Variants in PHLPP2 observed in about 807,000 individuals in gnomAD.
PHLPP2 encodes the protein PH domain leucine-rich repeat-containing protein phosphatase 2.
Under a neutral mutation model 124.9 loss-of-function variants are expected in PHLPP2, and 66 were observed. The ratio of observed to expected loss-of-function variants is 0.53; its 90% confidence interval spans 0.43 to 0.65. The LOEUF (loss-of-function observed/expected upper bound fraction) is 0.65, where lower values mean the gene tolerates loss of function less well. PHLPP2 is among the 30% of genes least tolerant of loss of function. The probability of loss-of-function intolerance (pLI) is 0.00; values close to 1 mark genes in which losing one functional copy is unlikely to be tolerated. For synonymous variants in PHLPP2, 681 were observed against 624.7 expected, an observed-to-expected ratio of 1.09 and a Z score of -1.34; for missense variants, 1,685 against 1,600.4, an observed-to-expected ratio of 1.05 and a Z score of -0.90.
At chr16:71,659,247 A>ATTTT (rs11357819) in intron 13 of PHLPP2, among the ~76,000 whole-genome samples, 3 of 89,866 alleles carry the variant, frequency 3.3e-5, no homozygotes, top group Non-Finnish European at 6.6e-5. Flanking sequence ...CATCACAAAG[A>ATTTT]TTTTTTTTTT....
rs1012066384 is a variant in PHLPP2, at chr16:71,648,615, A to C, written c.*275T>G. The C allele has an allele frequency of 4.8e-5, 21 of 433,088 alleles. 1 individual carries two copies. The Admixed American group carries it at 6.5e-4, about 13-fold the overall frequency. 26.8% of individuals were successfully genotyped at this position (433,088 alleles called of 1,614,324 possible). On this transcript the variant is annotated 3_prime_UTR_variant, in exon 19 of 19. Coordinates refer to ENST00000568954, the MANE Select transcript of PHLPP2 (RefSeq NM_015020.3). ...TGAAACCCCGTCTCTAAAAAAAAAA[A>C]ATAAAACTTAGCCGGGCATAATGGC...
chr16:71,705,668 T>C (rs2045268560), intron 2 of PHLPP2, among the ~76,000 whole-genome samples: 1 of 152,054 alleles, frequency 6.6e-6, no homozygotes, highest in Non-Finnish European at 1.5e-5. Context: ...CACGCCACCA[T>C]GCCCAGCTAA....
rs907535874 is a variant in PHLPP2, at chr16:71,645,099, C to G, written c.*3791G>C. ...TATAATGAGTCTTAAGACTACAATA[C>G]GACAATGATTGCACAAAACCGTAAG... On this transcript the variant is annotated 3_prime_UTR_variant, in exon 19 of 19. Transcript: ENST00000568954. The G allele has an allele frequency of 9.3e-6, 2 of 214,404 alleles. No individual in the cohort carries two copies. The highest frequency in any genetic ancestry group is 1.2e-4 in the South Asian group (2 of 16,614). The allele number at this position is 214,404 out of a possible 1,614,324, so 13.3% of individuals were successfully genotyped here. A position where few individuals can be genotyped will look rare whatever the true frequency, so the allele number is the denominator to read the frequency against.
chr16:71,652,700 A>G, intron 18 of PHLPP2, 90 bp downstream of exon 18: 1 of 882,906 alleles, frequency 1.1e-6, no homozygotes, highest in Non-Finnish European at 1.9e-6. Context: ...ACAGGGCATG[A>G]TAGGAAGAAA....
At chr16:71,668,841 T>C (rs553624631) in intron 11 of PHLPP2, among the ~76,000 whole-genome samples, 1 of 152,342 alleles carries the variant, frequency 6.6e-6, no homozygotes, top group South Asian at 2.1e-4. Context: ...GTTACCTAAC[T>C]GCTCTAAGCT....
chr16:71,723,829 C>T (rs1161522206), intron 1 of PHLPP2: 34 of 1,251,552 alleles, frequency 2.7e-5, no homozygotes, highest in African/African-American at 3.2e-5. Context: ...GCTCCGGGGG[C>T]TCCAGCGGGC....
At chr16:71,655,475 G>T (rs966052335) in intron 16 of PHLPP2, 41 bp from the exon 17 acceptor site, 5 of 1,423,996 alleles carry the variant, frequency 3.5e-6, no homozygotes, top group Non-Finnish European at 4.9e-6. Context: ...AAAAGTTACT[G>T]GTAAAATATT....
At chr16:71,680,432 A>ATTT (rs953186434) in intron 6 of PHLPP2, among the ~76,000 whole-genome samples, 3 of 152,180 alleles carry the variant, frequency 2.0e-5, no homozygotes, top group African/African-American at 7.2e-5. Flanking sequence ...TAGTGCTTCT[A>ATTT]TTTTGTTCAT....
chr16:71,690,841 A>G, intron 3 of PHLPP2, 132 bp from the exon 4 acceptor site: 1 of 640,100 alleles, frequency 1.6e-6, no homozygotes, highest in Non-Finnish European at 2.7e-6. Context: ...AATATAGTTA[A>G]GACAAAATTA....
chr16:71,683,219 T>C (rs1024171474), intron 5 of PHLPP2, among the ~76,000 whole-genome samples: 7 of 152,038 alleles, frequency 4.6e-5, no homozygotes, highest in African/African-American at 1.4e-4. Context: ...GGCATGTCCT[T>C]ATACTATAAC....
At chr16:71,679,122 A>C (rs2044973696) in intron 7 of PHLPP2, 137 bp from the exon 8 acceptor site, 1 of 632,762 alleles carries the variant, frequency 1.6e-6, no homozygotes, top group Admixed American at 2.8e-5. Flanking sequence ...CTCTCCATCT[A>C]TGCAGACTTA....
At chr16:71,671,787 G>C (rs1020795789) in intron 10 of PHLPP2, among the ~76,000 whole-genome samples, 1 of 151,794 alleles carries the variant, frequency 6.6e-6, no homozygotes, top group Non-Finnish European at 1.5e-5. Flanking sequence ...GGTGGTGGGC[G>C]CCTTTAGTCC....
Position 71,649,187 on chromosome 16 carries a change from C to G in PHLPP2, c.3675G>C (p.Glu1225Asp), listed in dbSNP as rs2044675642. The G allele has an allele frequency of 1.2e-6, 2 of 1,614,042 alleles. No individual in the cohort carries two copies. Among genetic ancestry groups the G allele is most frequent in the South Asian group, 2.2e-5 (2 of 91,088 alleles). ...AGGAGGTGGAGGGAGACTTCTGTAA[C>G]TCCATCCTGTCCTTGCTCATTGGCA... Reference protein sequence around the residue: ...MLLPMSKDRMELQKSPSTSCL... With the variant: ...MLLPMSKDRMDLQKSPSTSCL... Residue 1225 changes from glutamate (E) to aspartate (D), a missense_variant, in exon 19 of 19, where the codon GAG (glutamate) becomes GAC (aspartate). Coordinates refer to ENST00000568954, the MANE Select transcript of PHLPP2 (RefSeq NM_015020.3).
intron 13 of PHLPP2, among the ~76,000 whole-genome samples, chr16:71,659,157 G>A (rs973783973): frequency 5.9e-5 from 9 of 151,866 alleles, no homozygotes; most frequent in Non-Finnish European, 1.0e-4. Flanking sequence ...ACTAACTAGC[G>A]GCAAAATACT....
intron 8 of PHLPP2, 89 bp downstream of exon 8, chr16:71,678,666 C>A: frequency 2.6e-6 from 2 of 772,132 alleles, no homozygotes; most frequent in African/African-American, 1.7e-5. Flanking sequence ...TTTAAAAACC[C>A]TAATGTTTTA....
At chr16:71,697,660 G>A (rs572085047) in intron 3 of PHLPP2, among the ~76,000 whole-genome samples, 2 of 152,214 alleles carry the variant, frequency 1.3e-5, no homozygotes, top group Non-Finnish European at 2.9e-5. Context: ...TAAACAATAT[G>A]TGCAGAGAAT....
chr16:71,706,308 G>A (rs914379056), intron 2 of PHLPP2, among the ~76,000 whole-genome samples: 9 of 152,182 alleles, frequency 5.9e-5, no homozygotes, highest in Non-Finnish European at 1.2e-4. Context: ...AGATTATACC[G>A]CTTAGCCAAG....
chr16:71,677,587 TG>T (rs2044959376), intron 8 of PHLPP2: 1 of 151,030 alleles, frequency 6.6e-6, no homozygotes, highest in Admixed American at 6.6e-5. Flanking sequence ...CTCACTTTCC[TG>T]TATTTCTATA....
chr16:71,676,567 G>A lies in PHLPP2; in HGVS notation c.1351C>T (p.Leu451=). 6.2e-7 allele frequency: 1 copy of A among 1,614,054 alleles called. No homozygotes were observed. Among genetic ancestry groups the A allele is most frequent in the Non-Finnish European group, 8.5e-7 (1 of 1,179,856 alleles). ...ITHVDLRDNR[L]TDLDLSSLCS... The stretch of plus-strand genomic sequence containing the variant: ...AAGGAGCTAAGATCCAAGTCAGTCA[G>A]TCGGTTGTCCCGCAGATCCACGTGG... Residue 451 remains leucine, a synonymous_variant, in exon 9 of 19, where the codon CTG becomes TTG. Coordinates refer to ENST00000568954, the MANE Select transcript of PHLPP2 (RefSeq NM_015020.3).
Sources: allele counts gnomAD v4.1 joint callset (sites outside exome capture counted in the v4.1 genomes callset), GRCh38; gene constraint gnomAD v4.1.1; transcripts MANE v1.5; gene names NCBI Gene and HGNC (gene_info 2026-07-23, HGNC 2026-07-21).